Variants in UBR4 observed in about 807,000 individuals in gnomAD.
The protein encoded by UBR4 is ubiquitin protein ligase E3 component n-recognin 4, also known as E3 ubiquitin-protein ligase UBR4.
UBR4 carries 124 observed loss-of-function variants against 575.6 expected under a neutral mutation model. The ratio of observed to expected loss-of-function variants is 0.22; its 90% CI spans 0.19 to 0.25. The LOEUF (loss-of-function observed/expected upper bound fraction) is 0.25. UBR4 is among the 10% of genes least tolerant of loss of function. UBR4 has a pLI of 1.00. For synonymous variants in UBR4, 2,455 were observed against 2,473.7 expected (o/e 0.99, Z 0.22); for missense variants, 4,818 against 6,478.8 (o/e 0.74, Z 8.80).
chr1:19,164,978 C>T lies in UBR4; in HGVS notation c.4332G>A (p.Pro1444=), dbSNP rs753539355. ...GGGAGCCACAGAGATGCAACAGGCT[C>T]GGGTTAGGGCTCTTCTCAGCTAGGA... ...LFQLTEKSPN[P]SLLHLCGSLA... The change falls in exon 32 of 106, where the codon CCG becomes CCA. Residue 1444 remains proline (P), a synonymous_variant. Coordinates refer to ENST00000375254, the MANE Select transcript of UBR4 (RefSeq NM_020765.3). The T allele has an allele frequency of 1.7e-5, 27 of 1,613,778 alleles. No homozygotes were observed. Among genetic ancestry groups the T allele is most frequent in the East Asian group, 1.6e-4 (7 of 44,866 alleles).
At chr1:19,170,612 A>C (rs2089365123) in intron 26 of UBR4, 150 bp downstream of exon 26, 3 of 1,066,474 alleles carry the variant, frequency 2.8e-6, no homozygotes, top group Middle Eastern at 5.3e-4. Context: ...TATTGTGAAG[A>C]TCAAAATAGA....
At chr1:19,199,049 G>T in intron 3 of UBR4, 121 bp from the exon 4 acceptor site, 1 of 1,109,558 alleles carries the variant, frequency 9.0e-7, no homozygotes, top group Non-Finnish European at 1.3e-6. Flanking sequence ...AAACACTAAA[G>T]CAAAGACTGC....
In UBR4 at chr1:19,100,703, C is replaced by T; in HGVS notation, c.13024-130G>A. ...CAAGCCCCCCAAACATTTAAAGATA[C>T]AAAGGACAGGAAACTCAGAGGTACT... is the stretch of plus-strand genomic sequence containing the variant. On this transcript the variant is annotated intron_variant, in intron 88 of 105. Coordinates refer to ENST00000375254, the MANE Select transcript of UBR4 (RefSeq NM_020765.3). This position sits in a 1 kb window ranked among gnomAD's most constrained non-coding sequence, Gnocchi z 4.2. 2.3e-6 allele frequency: 2 copies of T among 855,338 alleles called. No individual in the cohort carries two copies. The highest frequency in any genetic ancestry group is 3.6e-6 in the Non-Finnish European group (2 of 556,012). 53.0% of individuals were successfully genotyped at this position (855,338 alleles called of 1,614,324 possible). A position where few individuals can be genotyped will look rare whatever the true frequency, so the allele number is the denominator to read the frequency against.
rs1233523653 is a variant in UBR4, at chr1:19,089,905, C to T, written c.14212-928G>A. Among the ~76,000 whole-genome samples the T allele has an allele frequency of 6.6e-6, 1 of 152,260 alleles. No homozygotes were observed. The highest frequency in any genetic ancestry group is 1.5e-5 in the Non-Finnish European group (1 of 68,042). On this transcript the variant is annotated intron_variant, in intron 97 of 105. Transcript: ENST00000375254. The surrounding 1 kb of genome is among the most constrained non-coding windows in gnomAD (Gnocchi z 4.3). ...TTTCAACTCCTACTGAGCTTTTCCA[C>T]AGGTACCCCAAACTCAACATTCTGG... is the stretch of plus-strand genomic sequence containing the variant.
intron 17 of UBR4, 137 bp from the exon 18 acceptor site, chr1:19,179,357 T>G: frequency 1.0e-6 from 1 of 975,168 alleles, no homozygotes; most frequent in Non-Finnish European, 1.4e-6. Flanking sequence ...GAAATTCAGA[T>G]TTTGGAATAG....
chr1:19,151,197 G>C, intron 48 of UBR4: 2 of 320,694 alleles, frequency 6.2e-6, no homozygotes, highest in Non-Finnish European at 1.2e-5. Flanking sequence ...AAATGACAGA[G>C]AAATGCAGTC....
chr1:19,111,110 T>A (rs1471907236), intron 78 of UBR4, among the ~76,000 whole-genome samples: 3 of 152,220 alleles, frequency 2.0e-5, no homozygotes, highest in Non-Finnish European at 4.4e-5. Context: ...ACAGAGCCCC[T>A]GCTGTCTGGT....
chr1:19,197,620 C>T (rs768090825), intron 7 of UBR4, 50 bp downstream of exon 7: 20 of 1,601,922 alleles, frequency 1.2e-5, no homozygotes, highest in Non-Finnish European at 1.7e-5. Context: ...GAACAAGACC[C>T]TGTCCCAAAA....
At chr1:19,104,879 T>A (rs2079021586) in intron 85 of UBR4, 169 bp downstream of exon 85, 1 of 1,209,626 alleles carries the variant, frequency 8.3e-7, no homozygotes, top group Non-Finnish European at 1.2e-6. Flanking sequence ...CCCAAGAGTT[T>A]GCTACAGCTA....
At chr1:19,081,208 A>C in intron 103 of UBR4, 141 bp downstream of exon 103, 1 of 744,922 alleles carries the variant, frequency 1.3e-6, no homozygotes, top group Non-Finnish European at 2.2e-6. Flanking sequence ...TTGACATGAC[A>C]GACTGAGAAG....
chr1:19,201,321 A>T (rs1289672391), intron 2 of UBR4, among the ~76,000 whole-genome samples: 1 of 152,194 alleles, frequency 6.6e-6, no homozygotes, highest in East Asian at 1.9e-4. Flanking sequence ...GAGAATCCAC[A>T]TCCTCACCAA....
intron 91 of UBR4, 121 bp from the exon 92 acceptor site, chr1:19,096,771 T>C (rs917213670): frequency 1.4e-6 from 2 of 1,401,230 alleles, no homozygotes; most frequent in Non-Finnish European, 1.9e-6. Context: ...GTATCTCCAA[T>C]AAAGACACGG....
At chr1:19,155,405 T>A (rs1393143680) in intron 43 of UBR4, 36 bp downstream of exon 43, 14 of 1,579,350 alleles carry the variant, frequency 8.9e-6, no homozygotes, top group Non-Finnish European at 1.2e-5. Flanking sequence ...AATAATTAAA[T>A]CCGGAATAGA....
At chr1:19,196,863 A>T (rs1268941122) in intron 8 of UBR4, among the ~76,000 whole-genome samples, 2 of 152,200 alleles carry the variant, frequency 1.3e-5, no homozygotes, top group African/African-American at 4.8e-5. Flanking sequence ...TCAATATCTC[A>T]ACAGTCTTAG....
rs1570828525 is a variant in UBR4, at chr1:19,128,442, T to C, written c.9004-124A>G. On this transcript the variant is annotated intron_variant, in intron 61 of 105. Coordinates refer to ENST00000375254, the MANE Select transcript of UBR4 (RefSeq NM_020765.3). ...CCTATCAATCATAACTGTAATCCAT[T>C]ATAGCGTTCTAAATTCCAGGTATCC... 3 of 794,356 alleles carry C rather than the reference T, an allele frequency of 3.8e-6. No individual in the cohort carries two copies. The South Asian group carries it at 5.5e-5, about 14-fold the overall frequency. The allele number at this position is 794,356 out of a possible 1,614,324, so 49.2% of individuals were successfully genotyped here. A position where few individuals can be genotyped will look rare whatever the true frequency, so the allele number is the denominator to read the frequency against.
At chr1:19,208,027 C>T (rs1357423031) in intron 1 of UBR4, among the ~76,000 whole-genome samples, 5 of 152,184 alleles carry the variant, frequency 3.3e-5, no homozygotes, top group South Asian at 2.1e-4. Flanking sequence ...ACACTTGATA[C>T]GTTTAGCTGT....
intron 44 of UBR4, among the ~76,000 whole-genome samples, chr1:19,154,408 G>C (rs796901702): frequency 4.6e-5 from 7 of 152,310 alleles, no homozygotes; most frequent in African/African-American, 1.7e-4. Flanking sequence ...GACACCATAA[G>C]CCTCTTCTTC....
chr1:19,136,597 T>C (rs1570948534), intron 60 of UBR4, among the ~76,000 whole-genome samples: 1 of 152,038 alleles, frequency 6.6e-6, no homozygotes, highest in South Asian at 2.1e-4. Context: ...AGGACACACA[T>C]AGAACAAATA....
In UBR4 at chr1:19,124,544, GGAGA is replaced by G. The variant is rs760572671; in HGVS notation, c.9581_9584del (p.Leu3194ProfsTer5). 1 of 1,614,092 alleles carries G rather than the reference GGAGA, an allele frequency of 6.2e-7. No homozygotes were observed. The highest frequency in any genetic ancestry group is 8.5e-7 in the Non-Finnish European group (1 of 1,179,958). ...GCAGCTTGGGACTTTCACTTACCTCGGAGAGAAAGTAAAACCACGAGTGGTCAAA... is the reference window on the plus strand; with the variant it reads ...GCAGCTTGGGACTTTCACTTACCTCGGAAAGTAAAACCACGAGTGGTCAAA... On this transcript the variant is annotated frameshift_variant, in exon 65 of 106. Coordinates refer to ENST00000375254, the MANE Select transcript of UBR4 (RefSeq NM_020765.3). LOFTEE classifies it high-confidence loss of function.
Sources: gnomAD v4.1 joint callset for allele counts (sites outside exome capture counted in the v4.1 genomes callset) on GRCh38, gnomAD v4.1.1 for gene constraint, Gnocchi (gnomAD v3.1) non-coding constraint, MANE v1.5 for transcripts, NCBI Gene and HGNC (gene_info 2026-07-23, HGNC 2026-07-21) for gene names.